CADM1: variants seen among roughly 807,000 people sequenced by gnomAD.
CADM1 encodes the protein TSLC-1.
In CADM1, 15 loss-of-function variants were observed where a neutral mutation model predicts 53.1. The observed-to-expected ratio is 0.28, with a 90% CI of 0.19 to 0.44. The LOEUF (loss-of-function observed/expected upper bound fraction) is 0.44. CADM1 is among the 20% of genes least tolerant of loss of function. The pLI, the probability that CADM1 is intolerant of heterozygous loss-of-function variation, is 1.00. For synonymous variants in CADM1, 281 were observed against 243.0 expected, an observed-to-expected ratio of 1.16 and a Z score of -1.45; for missense variants, 434 against 611.3, an observed-to-expected ratio of 0.71 and a Z score of 3.06.
intron 1 of CADM1, among the ~76,000 whole-genome samples, chr11:115,360,254 G>A (rs1945991969): frequency 6.6e-6 from 1 of 152,180 alleles, no homozygotes; most frequent in Admixed American, 6.5e-5. Flanking sequence ...AAAACAACTT[G>A]CACTTTTGCT....
At position 115,396,227 on chromosome 11, in the gene CADM1, G is replaced by A. The variant is rs116838946; in HGVS notation, c.124+108044C>T. Among the ~76,000 whole-genome samples the A allele has an allele frequency of 5.8e-3, 879 of 152,274 alleles. 5 individuals carry two copies. The highest frequency in any genetic ancestry group is 0.034 in the Middle Eastern group (10 of 294). The stretch of plus-strand genomic sequence containing the variant: ...TAATAAAGATGTGGTTGTCATTGGT[G>A]GTGGAAGCAAAGGGCGCGTGTCCTT... On this transcript the variant is annotated intron_variant, in intron 1 of 11. Transcript: ENST00000331581.
At chr11:115,255,329 T>C (rs1291435471) in intron 1 of CADM1, among the ~76,000 whole-genome samples, 1 of 152,114 alleles carries the variant, frequency 6.6e-6, no homozygotes, top group African/African-American at 2.4e-5. Flanking sequence ...AAAAATATAA[T>C]TAGGACACCT....
At chr11:115,209,688 C>T (rs1442293878) in intron 7 of CADM1, 31 bp from the exon 8 acceptor site, 2 of 1,610,932 alleles carry the variant, frequency 1.2e-6, no homozygotes, top group Non-Finnish European at 1.7e-6. Context: ...AAATCAAACC[C>T]ACAATGCTGA....
At chr11:115,446,699 A>G (rs1367902091) in intron 1 of CADM1, among the ~76,000 whole-genome samples, 1 of 152,190 alleles carries the variant, frequency 6.6e-6, no homozygotes, top group East Asian at 1.9e-4. Context: ...CTCAAAAGTG[A>G]GATAAACCTA....
At chr11:115,345,872 G>A (rs1945562197) in intron 1 of CADM1, among the ~76,000 whole-genome samples, 1 of 152,046 alleles carries the variant, frequency 6.6e-6, no homozygotes, top group East Asian at 1.9e-4. Flanking sequence ...GTTTCAACTT[G>A]ATTTTTTTTA....
intron 1 of CADM1, among the ~76,000 whole-genome samples, chr11:115,413,411 A>G (rs1034061057): frequency 6.6e-6 from 1 of 152,156 alleles, no homozygotes; most frequent in Admixed American, 6.5e-5. Flanking sequence ...CAAAAATCAA[A>G]TCACAATAAC....
At chr11:115,321,311 T>G (rs1565363877) in intron 1 of CADM1, among the ~76,000 whole-genome samples, 2 of 152,170 alleles carry the variant, frequency 1.3e-5, no homozygotes, top group Non-Finnish European at 1.5e-5. Flanking sequence ...TAGGTATGTT[T>G]TCAACATCCT....
chr11:115,406,702 T>C (rs1206377180), intron 1 of CADM1, among the ~76,000 whole-genome samples: 1 of 151,170 alleles, frequency 6.6e-6, no homozygotes, highest in Non-Finnish European at 1.5e-5. Flanking sequence ...ATCCCAGCAC[T>C]TTCGGAGGCC....
At chr11:115,229,622 G>C (rs796343051) in intron 4 of CADM1, among the ~76,000 whole-genome samples, 14 of 152,218 alleles carry the variant, frequency 9.2e-5, no homozygotes, top group African/African-American at 3.4e-4. Context: ...GTATTCAGGA[G>C]GAGAAAAAGA....
chr11:115,474,606 C>A (rs1027758241), intron 1 of CADM1, among the ~76,000 whole-genome samples: 1 of 149,748 alleles, frequency 6.7e-6, no homozygotes, highest in Non-Finnish European at 1.5e-5. Flanking sequence ...GGACAAAAAA[C>A]CAAACACCGC....
At chr11:115,401,357 C>T (rs772043341) in intron 1 of CADM1, among the ~76,000 whole-genome samples, 14 of 151,780 alleles carry the variant, frequency 9.2e-5, no homozygotes, top group Admixed American at 1.3e-4. Context: ...GCCTGTAATC[C>T]CAGCACTTTG....
chr11:115,432,931 G>T (rs557005145), intron 1 of CADM1, among the ~76,000 whole-genome samples: 1 of 152,222 alleles, frequency 6.6e-6, no homozygotes, highest in Non-Finnish European at 1.5e-5. Context: ...TTACTCAAAT[G>T]ATCAAGGCCT....
At chr11:115,475,587 T>G (rs980521650) in intron 1 of CADM1, among the ~76,000 whole-genome samples, 1 of 152,058 alleles carries the variant, frequency 6.6e-6, no homozygotes, top group Non-Finnish European at 1.5e-5. Context: ...TACTTGGCAA[T>G]AAAAAGAAAT....
At chr11:115,442,078 C>A (rs1948327102) in intron 1 of CADM1, among the ~76,000 whole-genome samples, 1 of 151,658 alleles carries the variant, frequency 6.6e-6, no homozygotes, top group African/African-American at 2.4e-5. Flanking sequence ...ATAAAAAGTA[C>A]AGAAAGATAA....
At chr11:115,479,710 T>C (rs1565447628) in intron 1 of CADM1, among the ~76,000 whole-genome samples, 2 of 152,176 alleles carry the variant, frequency 1.3e-5, no homozygotes, top group African/African-American at 2.4e-5. Context: ...AAAAATGTAT[T>C]ATAAACAGTG....
At chr11:115,223,917 A>C (rs547396075) in intron 5 of CADM1, among the ~76,000 whole-genome samples, 1 of 151,640 alleles carries the variant, frequency 6.6e-6, no homozygotes, top group Non-Finnish European at 1.5e-5. Context: ...TGCTTTAAAA[A>C]AAAAATAAAA....
chr11:115,500,514 GAA>G (rs1332881083), intron 1 of CADM1, among the ~76,000 whole-genome samples: 1 of 152,126 alleles, frequency 6.6e-6, no homozygotes, highest in Non-Finnish European at 1.5e-5. Flanking sequence ...CCAGGTGTGG[GAA>G]AAAGTCACTA....
At chr11:115,394,561 G>A (rs220871) in intron 1 of CADM1, among the ~76,000 whole-genome samples, 59 of 152,206 alleles carry the variant, frequency 3.9e-4, no homozygotes, top group African/African-American at 1.2e-3. Context: ...TCTACTTCTC[G>A]TCTTCTCTAG....
chr11:115,424,479 GT>G (rs1299545996), intron 1 of CADM1, among the ~76,000 whole-genome samples: 1 of 152,202 alleles, frequency 6.6e-6, no homozygotes, highest in Admixed American at 6.5e-5. Context: ...ACATAAAGAA[GT>G]AGTAAGACAA....
Sources: allele counts gnomAD v4.1 joint callset (sites outside exome capture counted in the v4.1 genomes callset), GRCh38; gene constraint gnomAD v4.1.1; transcripts MANE v1.5; gene names NCBI Gene and HGNC (gene_info 2026-07-23, HGNC 2026-07-21).